Variants in RNASE6 observed in about 807,000 individuals in gnomAD.
The protein encoded by RNASE6 is ribonuclease A family member 6, also known as ribonuclease K6.
For synonymous variants in RNASE6, 64 were observed against 63.6 expected (o/e 1.01, Z -0.03); for missense variants, 197 against 181.9 (o/e 1.08, Z -0.48).
intron 1 of RNASE6, 38 bp from the exon 2 acceptor site, chr14:20,781,657 C>A (rs371729551): frequency 5.4e-6 from 8 of 1,487,072 alleles, no homozygotes; most frequent in Admixed American, 2.4e-5. Flanking sequence ...GCTCTTATTG[C>A]TTCTCCTACT....
In RNASE6 at chr14:20,782,219, T is replaced by G; in HGVS notation, c.*67T>G. On this transcript the variant is annotated 3_prime_UTR_variant, in exon 2 of 2. Transcript: ENST00000304677. ...ACAATTGCATCCATGTTTTCTTTTCTTTTGTTGATTTTCTTGTTCCCGTAG... is the reference window on the plus strand; with the variant it reads ...ACAATTGCATCCATGTTTTCTTTTCGTTTGTTGATTTTCTTGTTCCCGTAG... The G allele has an allele frequency of 7.1e-7, 1 of 1,414,936 alleles. No individual in the cohort carries two copies. Among genetic ancestry groups the G allele is most frequent in the Non-Finnish European group, 9.6e-7 (1 of 1,044,514 alleles). 87.6% of individuals were successfully genotyped at this position (1,414,936 alleles called of 1,614,324 possible). A position where few individuals can be genotyped will look rare whatever the true frequency, so the allele number is the denominator to read the frequency against.
intron 1 of RNASE6, 47 bp from the exon 2 acceptor site, chr14:20,781,648 C>T: frequency 7.0e-7 from 1 of 1,425,244 alleles, no homozygotes; most frequent in South Asian, 1.4e-5. Context: ...AAAAATTTTG[C>T]TCTTATTGCT....
rs747783628 is a variant in RNASE6, at chr14:20,781,955, A to T, written c.256A>T (p.Lys86Ter). 1.4e-5 allele frequency: 23 copies of T among 1,614,232 alleles called. No homozygotes were observed. Among genetic ancestry groups the T allele is most frequent in the Non-Finnish European group, 1.9e-5 (23 of 1,180,024 alleles). Residue 86 changes from lysine (K) to a stop codon, truncating the protein, a stop_gained, in exon 2 of 2, where the codon AAA becomes TAA. Transcript: ENST00000304677. LOFTEE classifies it low-confidence loss of function (END_TRUNC). Reference sequence around the variant, plus strand: ...CTGTGATTTGCTCAGCATTGTCTGCAAAAATCGTCGGCACAACTGCCACCA... The same window carrying T: ...CTGTGATTTGCTCAGCATTGTCTGCTAAAATCGTCGGCACAACTGCCACCA... ...AVCDLLSIVC[K>*]NRRHNCHQSS... is the part of the protein sequence containing the mutation.
rs745815625 is a variant in RNASE6 at position 20,782,102 on chromosome 14, A to G, written c.403A>G (p.Ser135Gly). The G allele has an allele frequency of 1.2e-5, 19 of 1,613,106 alleles. No homozygotes were observed. The South Asian group carries it at 2.0e-4, about 17-fold the overall frequency. Residue 135 changes from serine to glycine, a missense_variant, in exon 2 of 2, where the codon AGC (serine) becomes GGC (glycine). Coordinates refer to ENST00000304677, the MANE Select transcript of RNASE6 (RefSeq NM_005615.5). The stretch of plus-strand genomic sequence containing the variant: ...TGTTGCCTGTGACCCCCCTCAGAAG[A>G]GCGATCCCCCCTACAAGTTGGTTCC... ...FIVACDPPQK[S>G]DPPYKLVPVH...
At chr14:20,781,186 C>G (rs1358176793), upstream of RNASE6, 1 of 154,964 alleles carries the variant, frequency 6.5e-6, no homozygotes, top group Admixed American at 6.3e-5. Flanking sequence ...CTGCCAAACC[C>G]TAGGATTCTC....
chr14:20,781,706 C>T lies in RNASE6; in HGVS notation c.7C>T (p.Leu3=), dbSNP rs1878650512. 1.2e-6 allele frequency: 2 copies of T among 1,604,206 alleles called. No individual in the cohort carries two copies. The highest frequency in any genetic ancestry group is 1.7e-6 in the Non-Finnish European group (2 of 1,174,940). MV[L]CFPLLLLLLV... ...CTCTTTCTACACAGAAAAGATGGTG[C>T]TATGCTTTCCTCTTCTTTTACTGCT... is the stretch of plus-strand genomic sequence containing the variant. The change falls in exon 2 of 2, where the codon CTA becomes TTA. Residue 3 remains leucine, a synonymous_variant. Coordinates refer to ENST00000304677, the MANE Select transcript of RNASE6 (RefSeq NM_005615.5).
chr14:20,782,261 G>A lies in RNASE6; in HGVS notation c.*109G>A. ...TTCCCGTAGAAGAAAGAAGAAAGGTGTTTGGAGAATTCGAGTGCCTAGGAT... is the reference window on the plus strand; with the variant it reads ...TTCCCGTAGAAGAAAGAAGAAAGGTATTTGGAGAATTCGAGTGCCTAGGAT... On this transcript the variant is annotated 3_prime_UTR_variant, in exon 2 of 2. Transcript: ENST00000304677. The A allele has an allele frequency of 8.6e-7, 1 of 1,165,774 alleles. No individual in the cohort carries two copies. Among genetic ancestry groups the A allele is most frequent in the Non-Finnish European group, 1.2e-6 (1 of 826,816 alleles). 72.2% of individuals were successfully genotyped at this position (1,165,774 alleles called of 1,614,324 possible). A position where few individuals can be genotyped will look rare whatever the true frequency, so the allele number is the denominator to read the frequency against.
In RNASE6 at chr14:20,781,277, C is replaced by G. The variant is rs150474506; in HGVS notation, c.-67C>G. 6.1e-6 allele frequency: 1 copy of G among 165,190 alleles called. No homozygotes were observed. Among genetic ancestry groups the G allele is most frequent in the East Asian group, 1.8e-4 (1 of 5,650 alleles). The allele number at this position is 165,190 out of a possible 1,614,324, so 10.2% of individuals were successfully genotyped here. A position where few individuals can be genotyped will look rare whatever the true frequency, so the allele number is the denominator to read the frequency against. On this transcript the variant is annotated 5_prime_UTR_variant, in exon 1 of 2. Coordinates refer to ENST00000304677, the MANE Select transcript of RNASE6 (RefSeq NM_005615.5). ...GTTAGAGAAGAAAGGCAGACAACAGCTTCTGAGCTTTGGACTAATCACAGC... is the reference window on the plus strand; with the variant it reads ...GTTAGAGAAGAAAGGCAGACAACAGGTTCTGAGCTTTGGACTAATCACAGC...
chr14:20,781,764 A>T lies in RNASE6; in HGVS notation c.65A>T (p.His22Leu). 1.2e-6 allele frequency: 2 copies of T among 1,614,084 alleles called. No individual in the cohort carries two copies. The highest frequency in any genetic ancestry group is 1.7e-6 in the Non-Finnish European group (2 of 1,180,004). Residue 22 changes from histidine (H) to leucine (L), a missense_variant, in exon 2 of 2, where the codon CAT (histidine) becomes CTT (leucine). Coordinates refer to ENST00000304677, the MANE Select transcript of RNASE6 (RefSeq NM_005615.5). ...CTATGGGGACCAGTGTGTCCACTTC[A>T]TGCTTGGCCTAAGCGTCTCACCAAG... is the stretch of plus-strand genomic sequence containing the variant. ...LVLWGPVCPLHAWPKRLTKAH... is the reference protein window; with the variant it reads ...LVLWGPVCPLLAWPKRLTKAH...
Position 20,782,242 on chromosome 14 carries a change from T to A in RNASE6, c.*90T>A. On this transcript the variant is annotated 3_prime_UTR_variant, in exon 2 of 2. Coordinates refer to ENST00000304677, the MANE Select transcript of RNASE6 (RefSeq NM_005615.5). ...TCTTTTGTTGATTTTCTTGTTCCCG[T>A]AGAAGAAAGAAGAAAGGTGTTTGGA... 1 of 1,303,942 alleles carries A rather than the reference T, an allele frequency of 7.7e-7. No individual in the cohort carries two copies. The highest frequency in any genetic ancestry group is 1.1e-6 in the Non-Finnish European group (1 of 945,782). The allele number at this position is 1,303,942 out of a possible 1,614,324, so 80.8% of individuals were successfully genotyped here. A position where few individuals can be genotyped will look rare whatever the true frequency, so the allele number is the denominator to read the frequency against.
intron 1 of RNASE6, 133 bp from the exon 2 acceptor site, chr14:20,781,562 A>T: frequency 3.0e-6 from 2 of 662,528 alleles, no homozygotes; most frequent in Middle Eastern, 4.1e-4. Context: ...GAATTGTGAG[A>T]CTATGTGAGA....
upstream of RNASE6, chr14:20,781,164 C>A (rs1413632074): frequency 1.3e-5 from 2 of 154,092 alleles, no homozygotes; most frequent in African/African-American, 4.8e-5. Flanking sequence ...AGACTCTGCA[C>A]AAGAAGTTAA....
Position 20,782,341 on chromosome 14 carries a change from T to C in RNASE6, c.*189T>C, listed in dbSNP as rs60197111. ...AAGATTATTTTCTGCTTTGTAGTTC[T>C]GTACTTTTCGAGAGAAGGGAATAGG... On this transcript the variant is annotated 3_prime_UTR_variant, in exon 2 of 2. Coordinates refer to ENST00000304677, the MANE Select transcript of RNASE6 (RefSeq NM_005615.5). 0.017 allele frequency: 10,597 copies of C among 611,850 alleles called. 855 individuals are homozygous for C. The African/African-American group carries it at 0.18, about 10-fold the overall frequency. The allele number at this position is 611,850 out of a possible 1,614,324, so 37.9% of individuals were successfully genotyped here.
In RNASE6 at chr14:20,781,815, T is replaced by C. The variant is rs1294745400; in HGVS notation, c.116T>C (p.Ile39Thr). Residue 39 changes from isoleucine (I) to threonine (T), a missense_variant, in exon 2 of 2, where the codon ATA becomes ACA. By Grantham distance (89) the Ile-to-Thr change is moderately conservative (BLOSUM62 -1). Transcript: ENST00000304677. Reference protein sequence around the residue: ...TKAHWFEIQHIQPSPLQCNRA... With the variant: ...TKAHWFEIQHTQPSPLQCNRA... ...GCTCACTGGTTTGAAATTCAGCATA[T>C]ACAGCCAAGTCCTCTCCAATGCAAC... 6.2e-7 allele frequency: 1 copy of C among 1,614,198 alleles called. No homozygotes were observed. Among genetic ancestry groups the C allele is most frequent in the South Asian group, 1.1e-5 (1 of 91,086 alleles).
chr14:20,781,952 T>C lies in RNASE6; in HGVS notation c.253T>C (p.Cys85Arg). The change falls in exon 2 of 2, where the codon TGC becomes CGC. Residue 85 changes from cysteine to arginine, a missense_variant. By Grantham distance (180) the Cys-to-Arg change is radical (BLOSUM62 -3). Coordinates refer to ENST00000304677, the MANE Select transcript of RNASE6 (RefSeq NM_005615.5). ...TGTCTGTGATTTGCTCAGCATTGTC[T>C]GCAAAAATCGTCGGCACAACTGCCA... ...AAVCDLLSIV[C>R]KNRRHNCHQS... 6.2e-7 allele frequency: 1 copy of C among 1,614,220 alleles called. No homozygotes were observed. Among genetic ancestry groups the C allele is most frequent in the Non-Finnish European group, 8.5e-7 (1 of 1,180,032 alleles).
Position 20,781,703 on chromosome 14 carries a change from G to GT in RNASE6, c.5dup (p.Leu3AlafsTer24), listed in dbSNP as rs1878650374. The GT allele has an allele frequency of 6.2e-7, 1 of 1,602,424 alleles. No homozygotes were observed. The highest frequency in any genetic ancestry group is 1.7e-5 in the Admixed American group (1 of 58,742). Reference sequence around the variant, plus strand: ...TCTCTCTTTCTACACAGAAAAGATGGTGCTATGCTTTCCTCTTCTTTTACT... The same window carrying GT: ...TCTCTCTTTCTACACAGAAAAGATGGTTGCTATGCTTTCCTCTTCTTTTACT... On this transcript the variant is annotated frameshift_variant, in exon 2 of 2. Coordinates refer to ENST00000304677, the MANE Select transcript of RNASE6 (RefSeq NM_005615.5). LOFTEE classifies it low-confidence loss of function (END_TRUNC).
At position 20,782,127 on chromosome 14, in the gene RNASE6, C is replaced by T. The variant is rs766827916; in HGVS notation, c.428C>T (p.Pro143Leu). ...QKSDPPYKLV[P>L]VHLDSIL ...AGCGATCCCCCCTACAAGTTGGTTC[C>T]TGTACACTTAGATAGTATTCTCTAA... Residue 143 changes from proline to leucine, a missense_variant, in exon 2 of 2, where the codon CCT becomes CTT. By Grantham distance (98) the Pro-to-Leu change is moderately conservative. Transcript: ENST00000304677. 9.3e-6 allele frequency: 15 copies of T among 1,608,082 alleles called. No individual in the cohort carries two copies. The highest frequency in any genetic ancestry group is 4.4e-5 in the South Asian group (4 of 90,210).
At chr14:20,781,225 C>T (rs1409826489), upstream of RNASE6, 2 of 156,182 alleles carry the variant, frequency 1.3e-5, no homozygotes, top group African/African-American at 4.8e-5. Flanking sequence ...ATTTCTTCCC[C>T]TTCCCTATAC....
In RNASE6 at chr14:20,781,737, T is replaced by C. The variant is rs1269134972; in HGVS notation, c.38T>C (p.Val13Ala). 36 of 1,613,662 alleles carry C rather than the reference T, an allele frequency of 2.2e-5. 1 individual carries two copies. Among genetic ancestry groups the C allele is most frequent in the Non-Finnish European group, 3.1e-5 (36 of 1,179,782 alleles). The change falls in exon 2 of 2, where the codon GTT (valine) becomes GCT (alanine). Residue 13 changes from valine (V) to alanine (A), a missense_variant. By Grantham distance (64) the Val-to-Ala change is moderately conservative. Coordinates refer to ENST00000304677, the MANE Select transcript of RNASE6 (RefSeq NM_005615.5). ...TTTCCTCTTCTTTTACTGCTGCTGG[T>C]TCTATGGGGACCAGTGTGTCCACTT... is the stretch of plus-strand genomic sequence containing the variant. ...LCFPLLLLLLVLWGPVCPLHA... is the reference protein window; with the variant it reads ...LCFPLLLLLLALWGPVCPLHA...
Sources: gnomAD v4.1 joint callset for allele counts on GRCh38, gnomAD v4.1.1 for gene constraint, MANE v1.5 for transcripts, NCBI Gene and HGNC (gene_info 2026-07-23, HGNC 2026-07-21) for gene names.